The following CENPC variants were observed in gnomAD, a reference collection of about 807,000 sequenced individuals.
The protein encoded by CENPC is CENP-C 1.
A neutral mutation model predicts 112.1 loss-of-function variants in CENPC; 63 were observed. The ratio of observed to expected loss-of-function variants is 0.56; its 90% CI spans 0.46 to 0.69. The LOEUF (loss-of-function observed/expected upper bound fraction) is 0.69. Ranked by LOEUF, CENPC falls within the 30% of genes least tolerant of loss-of-function variation. The pLI, the probability that CENPC is intolerant of heterozygous loss-of-function variation, is 0.00. For synonymous variants in CENPC, 333 were observed against 367.6 expected, an observed-to-expected ratio of 0.91 and a Z score of 1.08; for missense variants, 1,000 against 1,103.8, an observed-to-expected ratio of 0.91 and a Z score of 1.33.
At chr4:67,532,345 C>T (rs1178270245) in intron 4 of CENPC, among the ~76,000 whole-genome samples, 1 of 152,116 alleles carries the variant, frequency 6.6e-6, no homozygotes. Context: ...GTGGCAATTG[C>T]TCAGGGATCT....
At chr4:67,505,842 A>G (rs1725716645) in intron 11 of CENPC, among the ~76,000 whole-genome samples, 1 of 152,206 alleles carries the variant, frequency 6.6e-6, no homozygotes, top group Non-Finnish European at 1.5e-5. Flanking sequence ...TTTATGACTT[A>G]CAGATCAGAG....
At chr4:67,519,578 T>G in intron 5 of CENPC, 76 bp from the exon 6 acceptor site, 1 of 980,128 alleles carries the variant, frequency 1.0e-6, no homozygotes, top group Non-Finnish European at 1.4e-6. Flanking sequence ...TTAAAAATTC[T>G]GCAATAATTT....
intron 18 of CENPC, 57 bp from the exon 19 acceptor site, chr4:67,472,732 A>C: frequency 7.1e-7 from 1 of 1,415,986 alleles, no homozygotes; most frequent in Non-Finnish European, 9.2e-7. Context: ...ATTCTTTTTG[A>C]TTAAGTATGT....
intron 17 of CENPC, among the ~76,000 whole-genome samples, chr4:67,476,902 C>A (rs1431700092): frequency 6.6e-6 from 1 of 152,130 alleles, no homozygotes; most frequent in African/African-American, 2.4e-5. Flanking sequence ...CAGCTTCCCC[C>A]ACTTCCTTGG....
At position 67,470,997 on chromosome 4, in the gene CENPC, G is replaced by C. The variant is rs1450358674; in HGVS notation, c.*1608C>G. On this transcript the variant is annotated 3_prime_UTR_variant, in exon 19 of 19. Transcript: ENST00000273853. ...AAACTGAAATGATGCATGCACAGGG[G>C]AGACTCAAGAGAGCATGGCAAATGT... 1 of 142,116 alleles carries C rather than the reference G, an allele frequency of 7.0e-6. No individual in the cohort carries two copies. The highest frequency in any genetic ancestry group is 1.6e-5 in the Non-Finnish European group (1 of 62,658). 8.8% of individuals were successfully genotyped at this position (142,116 alleles called of 1,614,324 possible). A position where few individuals can be genotyped will look rare whatever the true frequency, so the allele number is the denominator to read the frequency against.
intron 17 of CENPC, among the ~76,000 whole-genome samples, chr4:67,482,136 A>G (rs536126664): frequency 6.6e-6 from 1 of 152,336 alleles, no homozygotes; most frequent in Non-Finnish European, 1.5e-5. Context: ...AAAAGAAGAT[A>G]TACAAATGGC....
Position 67,495,210 on chromosome 4 carries a change from C to A in CENPC, c.2134G>T (p.Asp712Tyr). ...GGTATCACTTTAGATTGTTTTGAGT[C>A]ATCTACAAAATGCAAAAGATAATAT... ...DDEEVHGSSDDSKQSKVIPKN... is the reference protein window; with the variant it reads ...DDEEVHGSSDYSKQSKVIPKN... The change falls in exon 13 of 19, where the codon GAC becomes TAC. Residue 712 changes from aspartate to tyrosine, a missense_variant and splice_region_variant. Physicochemically the swap from Asp to Tyr is radical, Grantham distance 160. Transcript: ENST00000273853. 2.0e-6 allele frequency: 3 copies of A among 1,528,428 alleles called. No homozygotes were observed. Among genetic ancestry groups the A allele is most frequent in the South Asian group, 2.5e-5 (2 of 78,818 alleles). The allele number at this position is 1,528,428 out of a possible 1,614,324, so 94.7% of individuals were successfully genotyped here.
rs1725466538 is a variant in CENPC, at chr4:67,497,389, TA to T, written c.2132-2178del. On this transcript the variant is annotated intron_variant, in intron 12 of 18. Transcript: ENST00000273853. ...GGACACTCCGTCTTAAAAAAAAATT[TA>T]AAAATAAATAAATAAAAATACAGGC... Among the ~76,000 whole-genome samples, 3 of 152,048 alleles carry T rather than the reference TA, an allele frequency of 2.0e-5. No homozygotes were observed. The South Asian group carries it at 6.2e-4, about 32-fold the overall frequency.
At chr4:67,483,475 A>G (rs957928536) in intron 17 of CENPC, among the ~76,000 whole-genome samples, 1 of 152,216 alleles carries the variant, frequency 6.6e-6, no homozygotes, top group East Asian at 1.9e-4. Flanking sequence ...ATGATAATAA[A>G]CAACTATGCC....
chr4:67,510,683 C>A (rs1044282885), intron 9 of CENPC: 3 of 242,114 alleles, frequency 1.2e-5, no homozygotes, highest in Non-Finnish European at 2.5e-5. Flanking sequence ...CTCATTCCTG[C>A]CCCATGGCAA....
rs753799257 is a variant in CENPC, at chr4:67,474,972, A to T, written c.2677T>A (p.Tyr893Asn). ...QHVGQDILVF[Y>N]VNFGDLLCTL... The stretch of plus-strand genomic sequence containing the variant: ...CACAAAAGGTCACCAAAGTTAACAT[A>T]AAAAACCTGTAAAAATAAAAATAAA... Residue 893 changes from tyrosine to asparagine, a missense_variant, in exon 18 of 19, where the codon TAT (tyrosine) becomes AAT (asparagine). Transcript: ENST00000273853. 1 of 1,501,236 alleles carries T rather than the reference A, an allele frequency of 6.7e-7. No homozygotes were observed. The highest frequency in any genetic ancestry group is 2.2e-5 in the Admixed American group (1 of 46,424). The allele number at this position is 1,501,236 out of a possible 1,614,324, so 93.0% of individuals were successfully genotyped here.
intron 16 of CENPC, among the ~76,000 whole-genome samples, chr4:67,491,480 T>TATAG (rs1725270093): frequency 4.4e-4 from 8 of 18,100 alleles, no homozygotes; most frequent in African/African-American, 7.0e-4. Context: ...TATATATATA[T>TATAG]AGAGAGAGAG....
chr4:67,482,047 T>A (rs553473535), intron 17 of CENPC, among the ~76,000 whole-genome samples: 12 of 152,030 alleles, frequency 7.9e-5, no homozygotes, highest in African/African-American at 2.9e-4. Flanking sequence ...AGAATCTACA[T>A]GGAACTCAAA....
intron 13 of CENPC, 39 bp downstream of exon 13, chr4:67,495,120 T>C (rs985132102): frequency 3.5e-6 from 5 of 1,444,748 alleles, no homozygotes; most frequent in African/African-American, 1.5e-5. Flanking sequence ...TTAAGGTATT[T>C]TTCTCAATGA....
chr4:67,524,802 CT>C (rs2109817746), intron 5 of CENPC, among the ~76,000 whole-genome samples: 1 of 152,296 alleles, frequency 6.6e-6, no homozygotes, highest in East Asian at 1.9e-4. Context: ...CTACTATTGA[CT>C]TTCTTCACAG....
chr4:67,522,199 A>G (rs1434619367), intron 5 of CENPC, among the ~76,000 whole-genome samples: 2 of 152,248 alleles, frequency 1.3e-5, no homozygotes, highest in Non-Finnish European at 2.9e-5. Context: ...ATATTAAAAT[A>G]CCTGACAACA....
chr4:67,489,904 T>C, intron 17 of CENPC, 63 bp downstream of exon 17: 1 of 1,331,902 alleles, frequency 7.5e-7, no homozygotes, highest in Non-Finnish European at 1.0e-6. Flanking sequence ...TAATGTCTCA[T>C]CAAATCCAAT....
In CENPC at chr4:67,468,913, T is replaced by C. The variant is rs1260147944; in HGVS notation, c.*3692A>G. The C allele has an allele frequency of 6.6e-6, 1 of 152,190 alleles. No individual in the cohort carries two copies. The highest frequency in any genetic ancestry group is 1.5e-5 in the Non-Finnish European group (1 of 68,036). 9.4% of individuals were successfully genotyped at this position (152,190 alleles called of 1,614,324 possible). On this transcript the variant is annotated 3_prime_UTR_variant, in exon 19 of 19. Coordinates refer to ENST00000273853, the MANE Select transcript of CENPC (RefSeq NM_001812.4). ...GCTGAGTGAGAAAAACCAAAGGTCA[T>C]ACACTATATTATTCCATTGCTACAA...
chr4:67,545,427 A>G lies in CENPC; in HGVS notation c.-72T>C. 7.1e-7 allele frequency: 1 copy of G among 1,418,414 alleles called. No individual in the cohort carries two copies. Among genetic ancestry groups the G allele is most frequent in the Admixed American group, 2.7e-5 (1 of 36,788 alleles). The allele number at this position is 1,418,414 out of a possible 1,614,324, so 87.9% of individuals were successfully genotyped here. ...CACGGACCACAGCTCCAGGAAGCCG[A>G]GCAAGAAACGAATCGCCGGAATACC... is the stretch of plus-strand genomic sequence containing the variant. On this transcript the variant is annotated 5_prime_UTR_variant, in exon 1 of 19. Coordinates refer to ENST00000273853, the MANE Select transcript of CENPC (RefSeq NM_001812.4).
Sources: allele counts gnomAD v4.1 joint callset (sites outside exome capture counted in the v4.1 genomes callset), GRCh38; gene constraint gnomAD v4.1.1; transcripts MANE v1.5; gene names NCBI Gene and HGNC (gene_info 2026-07-23, HGNC 2026-07-21).